The following B3GAT1 variants were observed in gnomAD, a reference collection of about 807,000 sequenced individuals.
B3GAT1 encodes galactosylgalactosylxylosylprotein 3-beta-glucuronosyltransferase 1.
B3GAT1 carries 11 observed loss-of-function variants against 28.4 expected under a neutral mutation model. The observed-to-expected ratio is 0.39, with a 90% CI of 0.24 to 0.64. The LOEUF (loss-of-function observed/expected upper bound fraction) is 0.64, where lower values mean the gene tolerates loss of function less well. Ranked by LOEUF, B3GAT1 falls within the 30% of genes least tolerant of loss-of-function variation. The pLI, the probability that B3GAT1 is intolerant of heterozygous loss-of-function variation, is 0.50. For synonymous variants in B3GAT1, 255 were observed against 223.1 expected, an observed-to-expected ratio of 1.14 and a Z score of -1.27; for missense variants, 375 against 491.0, an observed-to-expected ratio of 0.76 and a Z score of 2.23.
At chr11:134,380,896 C>G (rs1429272287) in intron 5 of B3GAT1, 149 bp from the exon 6 acceptor site, 1 of 152,548 alleles carries the variant, frequency 6.6e-6, no homozygotes, top group Non-Finnish European at 1.5e-5. Flanking sequence ...GAAGGTGCTT[C>G]CAGTGAGGGC....
Position 134,412,119 on chromosome 11 carries a change from G to GGGGGGAGGTGGAGCGGGGAT in B3GAT1, c.-595_-594insATCCCCGCTCCACCTCCCCC, listed in dbSNP as rs1565463068. Among the ~76,000 whole-genome samples the GGGGGGAGGTGGAGCGGGGAT allele has an allele frequency of 1.4e-5, 2 of 140,888 alleles. No individual in the cohort carries two copies. Among genetic ancestry groups the GGGGGGAGGTGGAGCGGGGAT allele is most frequent in the Non-Finnish European group, 3.2e-5 (2 of 63,410 alleles). The allele number at this position is 140,888 out of a possible 152,430, so 92.4% of individuals were successfully genotyped here. Reference sequence around the variant, plus strand: ...GGGGGGCGGGGAGGGGGAGCGGGGAGGGGGAGCGGGGAGCGGGCGCGGGGG... The same window carrying GGGGGGAGGTGGAGCGGGGAT: ...GGGGGGCGGGGAGGGGGAGCGGGGAGGGGGGAGGTGGAGCGGGGATGGGGAGCGGGGAGCGGGCGCGGGGG... On this transcript the variant is annotated 5_prime_UTR_variant, in exon 1 of 6. Coordinates refer to ENST00000312527, the MANE Select transcript of B3GAT1 (RefSeq NM_054025.3).
intron 1 of B3GAT1, chr11:134,392,312 G>A (rs1457772008): frequency 6.6e-6 from 1 of 152,154 alleles, no homozygotes. Flanking sequence ...TGACTTAAGG[G>A]CCAGTATGCC....
chr11:134,386,753 G>A (rs1464034624), intron 2 of B3GAT1: 1 of 152,148 alleles, frequency 6.6e-6, no homozygotes, highest in African/African-American at 2.4e-5. Flanking sequence ...TCATGAAATG[G>A]CATGTGAAGT....
intron 1 of B3GAT1, among the ~76,000 whole-genome samples, chr11:134,402,967 CAT>C (rs1186860738): frequency 6.6e-6 from 1 of 151,690 alleles, no homozygotes; most frequent in African/African-American, 2.4e-5. Flanking sequence ...CCCCTGAGCA[CAT>C]GTGTGAACCA....
intron 1 of B3GAT1, among the ~76,000 whole-genome samples, chr11:134,404,124 CTCA>C (rs1433273162): frequency 6.6e-6 from 1 of 150,578 alleles, no homozygotes. Flanking sequence ...CACCCATTAA[CTCA>C]TCATTTAGCA....
Position 134,383,842 on chromosome 11 carries a change from C to G in B3GAT1, c.459G>C (p.Lys153Asn). 1 of 1,595,716 alleles carries G rather than the reference C, an allele frequency of 6.3e-7. No homozygotes were observed. Among genetic ancestry groups the G allele is most frequent in the Non-Finnish European group, 8.5e-7 (1 of 1,173,678 alleles). ...GTGGGTCGCGGGCGTCTCCGCGCAG[C>G]TTGTAGTTGCGGGGCGTCTCCACGT... ...HLHVETPRNY[K>N]LRGDARDPRI... The change falls in exon 3 of 6, where the codon AAG becomes AAC. Residue 153 changes from lysine to asparagine, a missense_variant. Physicochemically the swap from Lys to Asn is moderately conservative, Grantham distance 94 (BLOSUM62 0). Coordinates refer to ENST00000312527, the MANE Select transcript of B3GAT1 (RefSeq NM_054025.3).
chr11:134,407,822 C>T (rs985013657), intron 1 of B3GAT1, among the ~76,000 whole-genome samples: 1 of 151,964 alleles, frequency 6.6e-6, no homozygotes. Flanking sequence ...TGATGTTTCA[C>T]GTTCCCAGCA....
chr11:134,407,711 T>C (rs1944762172), intron 1 of B3GAT1, among the ~76,000 whole-genome samples: 1 of 150,940 alleles, frequency 6.6e-6, no homozygotes, highest in Non-Finnish European at 1.5e-5. Context: ...TAAACCTCAT[T>C]AGAAAAGTAA....
chr11:134,392,148 C>G (rs1259467735), intron 1 of B3GAT1: 1 of 152,204 alleles, frequency 6.6e-6, no homozygotes, highest in African/African-American at 2.4e-5. Flanking sequence ...TCAGTGGGCA[C>G]CTAGGGCCAG....
At chr11:134,404,000 TA>T (rs1475443233) in intron 1 of B3GAT1, among the ~76,000 whole-genome samples, 2 of 81,956 alleles carry the variant, frequency 2.4e-5, no homozygotes, top group African/African-American at 4.8e-5. Flanking sequence ...TATATATATA[TA>T]TATATATATA....
chr11:134,408,103 T>C (rs1361202976), intron 1 of B3GAT1, among the ~76,000 whole-genome samples: 2 of 152,088 alleles, frequency 1.3e-5, no homozygotes, highest in East Asian at 3.9e-4. Context: ...GTTCTTTGGG[T>C]TGGGATAAGG....
In B3GAT1 at chr11:134,411,918, C is replaced by G. The variant is rs960012391; in HGVS notation, c.-393G>C. 1.3e-5 allele frequency: 2 copies of G among 150,528 alleles called. No homozygotes were observed. Among genetic ancestry groups the G allele is most frequent in the African/African-American group, 4.9e-5 (2 of 41,080 alleles). 9.3% of individuals were successfully genotyped at this position (150,528 alleles called of 1,614,324 possible). A position where few individuals can be genotyped will look rare whatever the true frequency, so the allele number is the denominator to read the frequency against. ...GCCCTGGGCCGCGTGCGGCTCCCTC[C>G]CCGGGGACTGTCGGGCTCCGGGCCC... On this transcript the variant is annotated 5_prime_UTR_variant, in exon 1 of 6. Coordinates refer to ENST00000312527, the MANE Select transcript of B3GAT1 (RefSeq NM_054025.3). The surrounding 1 kb of genome is among the most constrained non-coding windows in gnomAD (Gnocchi z 6.0).
rs1333188542 is a variant in B3GAT1 at position 134,411,628 on chromosome 11, C to G, written c.-282+179G>C. 6.6e-6 allele frequency among the ~76,000 whole-genome samples: 1 copy of G among 151,998 alleles called. No individual in the cohort carries two copies. Among genetic ancestry groups the G allele is most frequent in the Non-Finnish European group, 1.5e-5 (1 of 67,984 alleles). ...GCAGCAGCGCCTCCCAGCCCGAGCT[C>G]GGTTCTCGGCCCCCTTTCCAGCTGC... is the stretch of plus-strand genomic sequence containing the variant. On this transcript the variant is annotated intron_variant, in intron 1 of 5. Coordinates refer to ENST00000312527, the MANE Select transcript of B3GAT1 (RefSeq NM_054025.3). The surrounding 1 kb of genome is among the most constrained non-coding windows in gnomAD (Gnocchi z 6.0).
intron 1 of B3GAT1, chr11:134,409,697 C>T (rs11822210): frequency 0.049 from 7,463 of 152,416 alleles, 611 homozygotes; most frequent in African/African-American, 0.17. Context: ...CCCCAGCCTG[C>T]CCCAACTCAC....
Position 134,387,753 on chromosome 11 carries a change from A to C in B3GAT1, c.-94T>G. ...ACGGGCGGCGGCAGCACAGGGGAGA[A>C]AAGAACAGGCATGGGCCGGGCCGGC... On this transcript the variant is annotated 5_prime_UTR_variant, in exon 2 of 6. Transcript: ENST00000312527. 4 of 1,572,592 alleles carry C rather than the reference A, an allele frequency of 2.5e-6. No individual in the cohort carries two copies. Among genetic ancestry groups the C allele is most frequent in the Non-Finnish European group, 3.4e-6 (4 of 1,160,552 alleles).
intron 1 of B3GAT1, among the ~76,000 whole-genome samples, chr11:134,406,698 G>A (rs759408373): frequency 2.0e-5 from 3 of 152,208 alleles, no homozygotes; most frequent in Non-Finnish European, 4.4e-5. Context: ...TAACTGTAAT[G>A]ACTCATTTCC....
intron 1 of B3GAT1, chr11:134,409,784 C>A (rs916544471): frequency 6.5e-6 from 1 of 152,690 alleles, no homozygotes; most frequent in African/African-American, 2.4e-5. Flanking sequence ...GTGCCTTTGT[C>A]TCTTGTCTCA....
rs994453981 is a variant in B3GAT1 at position 134,393,391 on chromosome 11, G to A, written c.-281-5451C>T. Among the ~76,000 whole-genome samples the A allele has an allele frequency of 3.9e-5, 6 of 152,134 alleles. No homozygotes were observed. The highest frequency in any genetic ancestry group is 2.9e-5 in the Non-Finnish European group (2 of 68,040). ...CTCAGCACTTCCGCTCAGCCGACAC[G>A]GGGTCAGGGAGGTCTGTGCTGACCG... On this transcript the variant is annotated intron_variant, in intron 1 of 5. Transcript: ENST00000312527. The surrounding 1 kb of genome is among the most constrained non-coding windows in gnomAD (Gnocchi z 4.0).
chr11:134,409,993 G>C (rs1371489798), intron 1 of B3GAT1: 3 of 152,518 alleles, frequency 2.0e-5, no homozygotes, highest in Non-Finnish European at 4.4e-5. Context: ...GCTCCTGGCC[G>C]GCCTCATCAC....
Sources: allele counts gnomAD v4.1 joint callset (sites outside exome capture counted in the v4.1 genomes callset), GRCh38; gene constraint gnomAD v4.1.1; non-coding constraint Gnocchi (gnomAD v3.1); transcripts MANE v1.5; gene names NCBI Gene and HGNC (gene_info 2026-07-23, HGNC 2026-07-21).